The following SNTG1 variants were observed in gnomAD, a reference collection of about 807,000 sequenced individuals.
SNTG1 encodes syntrophin gamma 1.
In SNTG1, 39 loss-of-function variants were observed where a neutral mutation model predicts 74.7. That is an observed-to-expected ratio of 0.52 (90% confidence interval 0.40 to 0.68). The LOEUF is 0.68. SNTG1 is among the 30% of genes least tolerant of loss of function. The pLI is 0.00. For synonymous variants in SNTG1, 254 were observed against 217.1 expected, an observed-to-expected ratio of 1.17 and a Z score of -1.49; for missense variants, 685 against 609.5, an observed-to-expected ratio of 1.12 and a Z score of -1.30.
chr8:50,685,939 G>GT (rs1000180975), intron 15 of SNTG1, among the ~76,000 whole-genome samples: 4 of 152,132 alleles, frequency 2.6e-5, no homozygotes, highest in African/African-American at 9.7e-5. Flanking sequence ...ATCACACTGT[G>GT]TTATAGAGAC....
chr8:50,007,817 T>TA lies in SNTG1; in HGVS notation c.-103+95594dup, dbSNP rs956135190. The stretch of plus-strand genomic sequence containing the variant: ...ACTACTTGAGATTGGGTAATTTATT[T>TA]AAAAAAAAGGTTTAATTGACTCACA... On this transcript the variant is annotated intron_variant, in intron 1 of 18. Coordinates refer to ENST00000642720, the MANE Select transcript of SNTG1 (RefSeq NM_018967.5). 8.6e-5 allele frequency among the ~76,000 whole-genome samples: 13 copies of TA among 151,720 alleles called. No individual in the cohort carries two copies. In the East Asian group the frequency reaches 1.4e-3, roughly 16 times the overall value.
At chr8:50,365,496 G>A (rs953616380) in intron 2 of SNTG1, among the ~76,000 whole-genome samples, 13 of 151,950 alleles carry the variant, frequency 8.6e-5, no homozygotes, top group African/African-American at 2.9e-4. Flanking sequence ...AAATTTGCTA[G>A]TCAAATAATA....
At chr8:50,522,685 TCTC>T (rs1380338080) in intron 9 of SNTG1, among the ~76,000 whole-genome samples, 3 of 151,756 alleles carry the variant, frequency 2.0e-5, no homozygotes, top group African/African-American at 7.3e-5. Context: ...TTCAAGCAAT[TCTC>T]CTGCCACAAC....
chr8:50,279,000 A>T (rs2088279881), intron 2 of SNTG1, among the ~76,000 whole-genome samples: 1 of 152,170 alleles, frequency 6.6e-6, no homozygotes, highest in African/African-American at 2.4e-5. Context: ...AACACAGTTC[A>T]CATCATAATT....
intron 2 of SNTG1, among the ~76,000 whole-genome samples, chr8:50,234,508 T>A (rs1047584916): frequency 6.6e-6 from 1 of 151,962 alleles, no homozygotes; most frequent in Non-Finnish European, 1.5e-5. Flanking sequence ...GGCATCACAC[T>A]ATACACACAC....
chr8:50,470,749 G>C (rs1317534133), intron 8 of SNTG1, among the ~76,000 whole-genome samples: 2 of 152,180 alleles, frequency 1.3e-5, no homozygotes, highest in Non-Finnish European at 1.5e-5. Context: ...CATAAAGGTA[G>C]TGCGGACCCA....
chr8:50,284,846 T>C (rs2088675271), intron 2 of SNTG1, among the ~76,000 whole-genome samples: 1 of 152,078 alleles, frequency 6.6e-6, no homozygotes, highest in Non-Finnish European at 1.5e-5. Context: ...AAATAAACTC[T>C]CCTATATCCT....
Position 50,690,352 on chromosome 8 carries a change from T to A in SNTG1, c.1039-14248T>A, listed in dbSNP as rs570602091. Among the ~76,000 whole-genome samples the A allele has an allele frequency of 7.2e-5, 11 of 152,346 alleles. No individual in the cohort carries two copies. In the South Asian group the frequency reaches 2.3e-3, roughly 32 times the overall value. On this transcript the variant is annotated intron_variant, in intron 15 of 18. Transcript: ENST00000642720. ...TAATTGTGATGTTAGGGTGTCAATT[T>A]TGGATCTTTCCTGCTTTCTCTTGTG...
At chr8:50,137,794 G>A (rs981645896) in intron 1 of SNTG1, among the ~76,000 whole-genome samples, 2 of 152,146 alleles carry the variant, frequency 1.3e-5, no homozygotes, top group Admixed American at 1.3e-4. Flanking sequence ...GATTGCACTG[G>A]ACACTGAGGA....
rs2095315677 is a variant in SNTG1, at chr8:50,677,960, A to C, written c.1038+19297A>C. Reference sequence around the variant, plus strand: ...ACATGAACAAAGGGAGGGGAACAACATACACCAGGGCGTGTGGGGAGAGGA... The same window carrying C: ...ACATGAACAAAGGGAGGGGAACAACCTACACCAGGGCGTGTGGGGAGAGGA... On this transcript the variant is annotated intron_variant, in intron 15 of 18. Transcript: ENST00000642720. Among the ~76,000 whole-genome samples, 3 of 151,902 alleles carry C rather than the reference A, an allele frequency of 2.0e-5. No homozygotes were observed. In the South Asian group the frequency reaches 6.2e-4, roughly 31 times the overall value.
In SNTG1 at chr8:50,153,791, TA is replaced by T. The variant is rs372314529; in HGVS notation, c.-102-18769del. Among the ~76,000 whole-genome samples, 154 of 152,280 alleles carry T rather than the reference TA, an allele frequency of 1.0e-3. 2 individuals carry two copies. Among genetic ancestry groups the T allele is most frequent in the African/African-American group, 3.7e-3 (152 of 41,562 alleles). On this transcript the variant is annotated intron_variant, in intron 1 of 18. Transcript: ENST00000642720. ...TTCGTCTCAGATGGGTACCCAGCTGTATGAGGTGTCAGTCTGCCCCCTACTG... is the reference window on the plus strand; with the variant it reads ...TTCGTCTCAGATGGGTACCCAGCTGTTGAGGTGTCAGTCTGCCCCCTACTG...
chr8:49,944,158 A>T (rs1482576784), intron 1 of SNTG1, among the ~76,000 whole-genome samples: 1 of 152,126 alleles, frequency 6.6e-6, no homozygotes, highest in Non-Finnish European at 1.5e-5. Context: ...TCCAAGTACC[A>T]AGTCTTTGAA....
intron 1 of SNTG1, among the ~76,000 whole-genome samples, chr8:49,913,104 G>C (rs1805719913): frequency 6.6e-6 from 1 of 152,124 alleles, no homozygotes; most frequent in South Asian, 2.1e-4. Flanking sequence ...TAATAAAAAG[G>C]GTTCACTGGG....
intron 2 of SNTG1, among the ~76,000 whole-genome samples, chr8:50,300,931 A>C (rs1045482228): frequency 5.9e-5 from 9 of 152,138 alleles, no homozygotes; most frequent in African/African-American, 2.2e-4. Context: ...ATGAGTAGTA[A>C]GAGAGCTATA....
intron 8 of SNTG1, among the ~76,000 whole-genome samples, chr8:50,476,887 G>C (rs1587750394): frequency 6.8e-5 from 3 of 44,068 alleles, no homozygotes; most frequent in South Asian, 5.6e-4. Flanking sequence ...CACACACACA[G>C]AGGGATAAAC....
chr8:50,719,731 G>GA (rs1177439248), intron 17 of SNTG1, among the ~76,000 whole-genome samples: 1 of 151,992 alleles, frequency 6.6e-6, no homozygotes, highest in Non-Finnish European at 1.5e-5. Flanking sequence ...GCATTCTTTT[G>GA]AAAAATTTTA....
chr8:50,505,631 T>C (rs1289780002), intron 9 of SNTG1, among the ~76,000 whole-genome samples: 1 of 152,160 alleles, frequency 6.6e-6, no homozygotes, highest in Non-Finnish European at 1.5e-5. Flanking sequence ...TTTCACATAT[T>C]TATTGGCCAT....
In SNTG1 at chr8:50,778,627, C is replaced by T. The variant is rs1441004035; in HGVS notation, c.1396-14044C>T. Among the ~76,000 whole-genome samples, 15 of 127,734 alleles carry T rather than the reference C, an allele frequency of 1.2e-4. No individual in the cohort carries two copies. In the South Asian group the frequency reaches 1.2e-3, roughly 10 times the overall value. The allele number at this position is 127,734 out of a possible 152,430, so 83.8% of individuals were successfully genotyped here. A position where few individuals can be genotyped will look rare whatever the true frequency, so the allele number is the denominator to read the frequency against. ...AGCCCTCTGTCAGATGAGTAGGTTG[C>T]GAAAATTTTCTCCCATTTTGTAGGT... On this transcript the variant is annotated intron_variant, in intron 18 of 18. Coordinates refer to ENST00000642720, the MANE Select transcript of SNTG1 (RefSeq NM_018967.5).
intron 10 of SNTG1, 39 bp downstream of exon 10, chr8:50,530,298 T>A (rs372238274): frequency 2.7e-4 from 428 of 1,581,824 alleles, no homozygotes; most frequent in Non-Finnish European, 3.5e-4. Flanking sequence ...AATAAGGAGA[T>A]AACACATAGC....
Sources: gnomAD v4.1 joint callset for allele counts (sites outside exome capture counted in the v4.1 genomes callset) on GRCh38, gnomAD v4.1.1 for gene constraint, MANE v1.5 for transcripts, NCBI Gene and HGNC (gene_info 2026-07-23, HGNC 2026-07-21) for gene names.